SEPTIN10: variants seen among roughly 807,000 people sequenced by gnomAD.
SEPTIN10 encodes septin-10.
A neutral mutation model predicts 54.8 loss-of-function variants in SEPTIN10; 66 were observed. That is an observed-to-expected ratio of 1.21 (90% CI 0.99 to 1.48). SEPTIN10 has a LOEUF of 1.48. Among genes scored for constraint, SEPTIN10 ranks in the 40% most tolerant of loss-of-function variants. The probability of loss-of-function intolerance (pLI) is 0.00; values close to 1 mark genes in which losing one functional copy is unlikely to be tolerated. For synonymous variants in SEPTIN10, 161 were observed against 181.0 expected, an observed-to-expected ratio of 0.89 and a Z score of 0.89; for missense variants, 620 against 545.6, an observed-to-expected ratio of 1.14 and a Z score of -1.36.
chr2:109,552,044 C>T (rs1488161794), intron 9 of SEPTIN10, among the ~76,000 whole-genome samples: 5 of 152,192 alleles, frequency 3.3e-5, no homozygotes, highest in South Asian at 2.1e-4. Context: ...GCCTGAGCTC[C>T]GCCTACTGTC....
At chr2:109,572,862 G>A (rs1158866998) in intron 5 of SEPTIN10, among the ~76,000 whole-genome samples, 1 of 152,000 alleles carries the variant, frequency 6.6e-6, no homozygotes, top group Non-Finnish European at 1.5e-5. Context: ...TGATCCGCCT[G>A]CCTTGGCCTC....
chr2:109,548,705 G>A (rs2104634021), intron 9 of SEPTIN10, among the ~76,000 whole-genome samples: 1 of 148,092 alleles, frequency 6.8e-6, no homozygotes, highest in East Asian at 2.0e-4. Context: ...GAAGCCGGGA[G>A]GCCGAGGTTG....
At chr2:109,557,202 AT>A (rs1172586983) in intron 8 of SEPTIN10, among the ~76,000 whole-genome samples, 2 of 152,160 alleles carry the variant, frequency 1.3e-5, no homozygotes, top group African/African-American at 4.8e-5. Context: ...TATAAAAAAA[AT>A]CTTGAATGCA....
chr2:109,561,392 T>C (rs996007828), intron 8 of SEPTIN10, among the ~76,000 whole-genome samples: 1 of 152,204 alleles, frequency 6.6e-6, no homozygotes, highest in African/African-American at 2.4e-5. Context: ...TTAGTGCTTA[T>C]ATCACAGCTA....
intron 9 of SEPTIN10, among the ~76,000 whole-genome samples, chr2:109,551,154 G>A (rs537878721): frequency 5.3e-5 from 8 of 152,262 alleles, no homozygotes; most frequent in African/African-American, 1.7e-4. Flanking sequence ...CATTTGTTCT[G>A]TGCATCTCCC....
At chr2:109,547,369 GTTTTT>G (rs35573327) in intron 9 of SEPTIN10, among the ~76,000 whole-genome samples, 7 of 117,868 alleles carry the variant, frequency 5.9e-5, no homozygotes, top group Admixed American at 5.2e-4. Flanking sequence ...TAATAAACTT[GTTTTT>G]TTTTTTTTTT....
Position 109,545,533 on chromosome 2 carries a change from G to C in SEPTIN10, c.1349+517C>G, listed in dbSNP as rs1475024599. On this transcript the variant is annotated intron_variant, in intron 10 of 10. Transcript: ENST00000397712. ...CAATGCACAGGAGTTCGAATCGACA[G>C]CCTGGTTCCCTTATTAAAATAAAAA... 4.6e-6 allele frequency: 7 copies of C among 1,535,636 alleles called. No homozygotes were observed. In the African/African-American group the frequency reaches 9.6e-5, roughly 21 times the overall value.
intron 6 of SEPTIN10, among the ~76,000 whole-genome samples, chr2:109,567,557 T>C (rs2105260298): frequency 6.6e-6 from 1 of 152,322 alleles, no homozygotes; most frequent in East Asian, 1.9e-4. Context: ...ACAAAAGGTA[T>C]ATCCCAGTCT....
intron 8 of SEPTIN10, among the ~76,000 whole-genome samples, chr2:109,562,293 CCT>C (rs1377537164): frequency 1.3e-5 from 2 of 151,602 alleles, no homozygotes; most frequent in African/African-American, 2.4e-5. Context: ...TGTCACTACC[CCT>C]CTCTTTCACG....
chr2:109,544,266 G>A lies in SEPTIN10; in HGVS notation c.*43C>T, dbSNP rs1235047958. 6 of 1,612,328 alleles carry A rather than the reference G, an allele frequency of 3.7e-6. No homozygotes were observed. The highest frequency in any genetic ancestry group is 4.2e-6 in the Non-Finnish European group (5 of 1,179,652). On this transcript the variant is annotated 3_prime_UTR_variant, in exon 11 of 11. Transcript: ENST00000397712. ...ACACTTCTAGTTTTTTTTTAATAAA[G>A]TTTGCTTGTGATGATGACCTTCTGT...
At chr2:109,586,054 G>A (rs1481342635) in intron 2 of SEPTIN10, among the ~76,000 whole-genome samples, 1 of 152,078 alleles carries the variant, frequency 6.6e-6, no homozygotes, top group Non-Finnish European at 1.5e-5. Flanking sequence ...TTCATACAAC[G>A]AGAGTCTAGC....
At chr2:109,581,252 C>A (rs563561688) in intron 4 of SEPTIN10, among the ~76,000 whole-genome samples, 3 of 152,136 alleles carry the variant, frequency 2.0e-5, no homozygotes, top group African/African-American at 7.2e-5. Flanking sequence ...CCAGCCTGAC[C>A]AACATGGTGA....
Position 109,592,629 on chromosome 2 carries a change from A to C in SEPTIN10, c.99+422T>G, listed in dbSNP as rs537859635. Among the ~76,000 whole-genome samples the C allele has an allele frequency of 1.8e-3, 269 of 151,040 alleles. 2 individuals are homozygous for C. Among genetic ancestry groups the C allele is most frequent in the African/African-American group, 5.3e-3 (218 of 41,072 alleles). On this transcript the variant is annotated intron_variant, in intron 2 of 10. Transcript: ENST00000397712. ...CCCCATCTCTACTAAAATACAAAAA[A>C]GTTAGCCGGACGTGGTGGTGGTCAC...
At chr2:109,590,164 T>C (rs904804006) in intron 2 of SEPTIN10, among the ~76,000 whole-genome samples, 5 of 151,500 alleles carry the variant, frequency 3.3e-5, no homozygotes, top group Admixed American at 2.6e-4. Flanking sequence ...TGACAGACTA[T>C]TGAGAGTGGT....
At position 109,604,492 on chromosome 2, in the gene SEPTIN10, C is replaced by T. The variant is rs576908227; in HGVS notation, c.30+9306G>A. Among the ~76,000 whole-genome samples, 22 of 150,334 alleles carry T rather than the reference C, an allele frequency of 1.5e-4. No individual in the cohort carries two copies. In the East Asian group the frequency reaches 4.0e-3, roughly 27 times the overall value. On this transcript the variant is annotated intron_variant, in intron 1 of 10. Transcript: ENST00000397712. The stretch of plus-strand genomic sequence containing the variant: ...CTGTAATCCTAGCACTTTGGGAGGC[C>T]GAGGCGGGTGGGATCACGAGGTCAG...
chr2:109,543,799 T>A lies in SEPTIN10; in HGVS notation c.*510A>T, dbSNP rs1680490740. 1 of 215,342 alleles carries A rather than the reference T, an allele frequency of 4.6e-6. No homozygotes were observed. The highest frequency in any genetic ancestry group is 9.2e-6 in the Non-Finnish European group (1 of 108,928). The allele number at this position is 215,342 out of a possible 1,614,324, so 13.3% of individuals were successfully genotyped here. A position where few individuals can be genotyped will look rare whatever the true frequency, so the allele number is the denominator to read the frequency against. On this transcript the variant is annotated 3_prime_UTR_variant, in exon 11 of 11. Transcript: ENST00000397712. ...CAGTGAATATATATGAATATATAGG[T>A]ACAAGCTGAGTATCCCTTATCCAAA... is the stretch of plus-strand genomic sequence containing the variant.
intron 4 of SEPTIN10, among the ~76,000 whole-genome samples, chr2:109,583,251 T>G (rs1443571620): frequency 2.6e-5 from 4 of 151,952 alleles, no homozygotes; most frequent in Non-Finnish European, 2.9e-5. Context: ...GGGAGAAAAT[T>G]TTTACAAACT....
intron 1 of SEPTIN10, among the ~76,000 whole-genome samples, chr2:109,612,738 G>C (rs974793792): frequency 1.3e-5 from 2 of 152,112 alleles, no homozygotes; most frequent in Non-Finnish European, 2.9e-5. Flanking sequence ...CACAAACACA[G>C]CAACTGAGAC....
chr2:109,602,901 C>CAAA (rs34841715), intron 1 of SEPTIN10, among the ~76,000 whole-genome samples: 5,278 of 110,280 alleles, frequency 0.048, 321 homozygotes, highest in African/African-American at 0.15. Flanking sequence ...GACCCTGTCT[C>CAAA]AAAAAAAAAA....
Sources: allele counts gnomAD v4.1 joint callset (sites outside exome capture counted in the v4.1 genomes callset), GRCh38; gene constraint gnomAD v4.1.1; transcripts MANE v1.5; gene names NCBI Gene and HGNC (gene_info 2026-07-23, HGNC 2026-07-21).